TTC39C: variants seen among roughly 807,000 people sequenced by gnomAD.
TTC39C encodes the protein tetratricopeptide repeat protein 39C.
In TTC39C, 33 loss-of-function variants were observed where a neutral mutation model predicts 76.3. The ratio of observed to expected loss-of-function variants is 0.43; its 90% CI spans 0.33 to 0.58. TTC39C has a LOEUF of 0.58. Ranked by LOEUF, TTC39C falls within the 20% of genes least tolerant of loss-of-function variation. TTC39C has a pLI of 0.04. For missense variants in TTC39C, 595 were observed against 701.4 expected (o/e 0.85, Z 1.71); for synonymous variants, 254 against 260.6 (o/e 0.97, Z 0.24).
chr18:24,122,525 AG>A (rs1291116491), intron 8 of TTC39C, among the ~76,000 whole-genome samples: 4 of 149,556 alleles, frequency 2.7e-5, no homozygotes, highest in Admixed American at 1.3e-4. Context: ...AAAAAAGAAG[AG>A]GGAACTAGCA....
chr18:24,126,320 C>A (rs1308870343), intron 10 of TTC39C, among the ~76,000 whole-genome samples: 1 of 151,000 alleles, frequency 6.6e-6, no homozygotes, highest in Non-Finnish European at 1.5e-5. Flanking sequence ...GAAAATTTTT[C>A]AGATTTTTCT....
intron 6 of TTC39C, among the ~76,000 whole-genome samples, chr18:24,091,144 G>T (rs925273245): frequency 6.6e-6 from 1 of 152,222 alleles, no homozygotes; most frequent in Admixed American, 6.5e-5. Flanking sequence ...ATCAAGACAC[G>T]TCAGTGGGCA....
intron 1 of TTC39C, among the ~76,000 whole-genome samples, chr18:24,031,927 G>A (rs1168009184): frequency 6.6e-6 from 1 of 152,158 alleles, no homozygotes; most frequent in African/African-American, 2.4e-5. Context: ...TTATCTCGAT[G>A]GGCCCTAAAT....
chr18:24,044,052 TTGTGTG>T (rs56233680), intron 1 of TTC39C, among the ~76,000 whole-genome samples: 89,637 of 147,788 alleles, frequency 0.61, 30,882 homozygotes, highest in Non-Finnish European at 0.8. Context: ...TTGTGTATGT[TTGTGTG>T]TGTGTGTGTG....
In TTC39C at chr18:24,093,403, C is replaced by T. The variant is rs1285495505; in HGVS notation, c.984+10322C>T. On this transcript the variant is annotated intron_variant, in intron 6 of 13. Transcript: ENST00000317571. ...CTGAGGCAGGAGAATGGCGTGAACC[C>T]AGGAGGCAGAGGTTGCAGTGAGCCT... 3.3e-5 allele frequency among the ~76,000 whole-genome samples: 5 copies of T among 150,592 alleles called. No individual in the cohort carries two copies. The South Asian group carries it at 8.4e-4, about 25-fold the overall frequency.
At chr18:24,006,868 A>G (rs1003461555) in intron 1 of TTC39C, among the ~76,000 whole-genome samples, 7 of 152,190 alleles carry the variant, frequency 4.6e-5, no homozygotes, top group Admixed American at 4.6e-4. Context: ...TACGTGTCTC[A>G]TCAGGATGAG....
chr18:23,999,720 G>A (rs1454260725), intron 1 of TTC39C, among the ~76,000 whole-genome samples: 2 of 152,234 alleles, frequency 1.3e-5, no homozygotes, highest in Admixed American at 6.5e-5. Flanking sequence ...AGCATCTGCA[G>A]ATAGTGGCAG....
chr18:24,061,189 A>G (rs2084093900), intron 1 of TTC39C, among the ~76,000 whole-genome samples: 1 of 150,426 alleles, frequency 6.6e-6, no homozygotes, highest in South Asian at 2.1e-4. Flanking sequence ...AGATTATCCT[A>G]CCATTGTTTT....
chr18:24,088,091 A>C (rs894625355), intron 6 of TTC39C, among the ~76,000 whole-genome samples: 2 of 152,162 alleles, frequency 1.3e-5, no homozygotes, highest in African/African-American at 4.8e-5. Context: ...AGTTCCAAAG[A>C]AGAAGTTGTA....
intron 1 of TTC39C, among the ~76,000 whole-genome samples, chr18:24,033,105 T>G (rs1195344776): frequency 6.6e-6 from 1 of 152,048 alleles, no homozygotes; most frequent in African/African-American, 2.4e-5. Context: ...ATACAAAAAT[T>G]CGCTGGGCCT....
intron 1 of TTC39C, among the ~76,000 whole-genome samples, chr18:24,021,621 C>G (rs187326044): frequency 2.0e-5 from 3 of 148,944 alleles, no homozygotes; most frequent in Admixed American, 2.0e-4. Flanking sequence ...TCTTGGCTCA[C>G]TGCAACCTCC....
chr18:24,001,348 C>T (rs79861554), intron 1 of TTC39C, among the ~76,000 whole-genome samples: 2,803 of 152,222 alleles, frequency 0.018, 81 homozygotes, highest in African/African-American at 0.064. Context: ...AGCCAAGGTC[C>T]GTGAAAAATA....
intron 1 of TTC39C, among the ~76,000 whole-genome samples, chr18:24,049,116 T>C (rs1259113900): frequency 6.6e-6 from 1 of 152,228 alleles, no homozygotes; most frequent in African/African-American, 2.4e-5. Flanking sequence ...ACTATATTTG[T>C]AAAATAATGT....
rs189929905 is a variant in TTC39C at position 24,065,165 on chromosome 18, G to T, written c.217-847G>T. On this transcript the variant is annotated intron_variant, in intron 2 of 13. Transcript: ENST00000317571. ...CTTGAGAGGAGGGTTGGGAAGAAAAGTGTGGCAGGGAGGCCTGGGCCGAGG... is the reference window on the plus strand; with the variant it reads ...CTTGAGAGGAGGGTTGGGAAGAAAATTGTGGCAGGGAGGCCTGGGCCGAGG... 6.6e-4 allele frequency among the ~76,000 whole-genome samples: 100 copies of T among 152,356 alleles called. No individual in the cohort carries two copies. The East Asian group carries it at 0.015, about 24-fold the overall frequency.
At chr18:24,117,457 T>C (rs2084908654) in intron 7 of TTC39C, among the ~76,000 whole-genome samples, 1 of 152,066 alleles carries the variant, frequency 6.6e-6, no homozygotes, top group Non-Finnish European at 1.5e-5. Flanking sequence ...ATCCCAGCAC[T>C]TTGGGAGGCT....
At chr18:24,041,484 G>T (rs1380407601) in intron 1 of TTC39C, among the ~76,000 whole-genome samples, 1 of 152,148 alleles carries the variant, frequency 6.6e-6, no homozygotes, top group Non-Finnish European at 1.5e-5. Context: ...AGTGTCATTT[G>T]CCACCTTAAG....
chr18:24,124,042 A>G (rs1046580963), intron 9 of TTC39C, 99 bp downstream of exon 9: 3 of 815,730 alleles, frequency 3.7e-6, no homozygotes, highest in Admixed American at 2.8e-5. Flanking sequence ...AAGGCTGCCT[A>G]TTTACTTGCC....
At chr18:24,049,678 G>T (rs952884671) in intron 1 of TTC39C, among the ~76,000 whole-genome samples, 1 of 152,214 alleles carries the variant, frequency 6.6e-6, no homozygotes, top group Non-Finnish European at 1.5e-5. Flanking sequence ...TAGGCTAGAG[G>T]CCGAGCAGGA....
chr18:24,009,872 G>A (rs2083382283), upstream of TTC39C, among the ~76,000 whole-genome samples: 1 of 152,248 alleles, frequency 6.6e-6, no homozygotes, highest in African/African-American at 2.4e-5. Context: ...AAAGGGGGAT[G>A]GTTTCCTGGC....
Sources: gnomAD v4.1 joint callset for allele counts (sites outside exome capture counted in the v4.1 genomes callset) on GRCh38, gnomAD v4.1.1 for gene constraint, MANE v1.5 for transcripts, NCBI Gene and HGNC (gene_info 2026-07-23, HGNC 2026-07-21) for gene names.